The following CD200R1 variants were observed in gnomAD, a reference collection of about 807,000 sequenced individuals.
CD200R1 encodes CD200 receptor 1.
CD200R1 carries 30 observed loss-of-function variants against 38.1 expected under a neutral mutation model. The ratio of observed to expected loss-of-function variants is 0.79; its 90% CI spans 0.59 to 1.07. The LOEUF (loss-of-function observed/expected upper bound fraction) is 1.07. CD200R1 is among the 50% of genes least tolerant of loss of function. CD200R1 has a pLI of 0.00. For synonymous variants in CD200R1, 128 were observed against 152.1 expected, an observed-to-expected ratio of 0.84 and a Z score of 1.16; for missense variants, 372 against 415.4, an observed-to-expected ratio of 0.90 and a Z score of 0.91.
At chr3:112,950,314 T>C (rs1416153997) in intron 1 of CD200R1, among the ~76,000 whole-genome samples, 1 of 151,606 alleles carries the variant, frequency 6.6e-6, no homozygotes, top group African/African-American at 2.4e-5. Flanking sequence ...ATGCAGAGAA[T>C]TGCTTGAACC....
intron 1 of CD200R1, among the ~76,000 whole-genome samples, chr3:112,959,016 C>T (rs1210077393): frequency 6.6e-6 from 1 of 152,022 alleles, no homozygotes; most frequent in Non-Finnish European, 1.5e-5. Flanking sequence ...TCAGAAACAG[C>T]ACATGATTTT....
At chr3:112,960,687 C>T (rs1187714601) in intron 1 of CD200R1, among the ~76,000 whole-genome samples, 1 of 151,882 alleles carries the variant, frequency 6.6e-6, no homozygotes, top group Non-Finnish European at 1.5e-5. Flanking sequence ...AACTATACCT[C>T]AAAGGGAATA....
intron 1 of CD200R1, among the ~76,000 whole-genome samples, chr3:112,956,934 A>G (rs773992578): frequency 1.3e-5 from 2 of 152,154 alleles, no homozygotes; most frequent in Non-Finnish European, 2.9e-5. Flanking sequence ...TTTGCCTCAC[A>G]TGGGTTATAG....
chr3:112,926,673 C>T (rs951079881), intron 5 of CD200R1, among the ~76,000 whole-genome samples: 4 of 152,114 alleles, frequency 2.6e-5, no homozygotes, highest in African/African-American at 7.2e-5. Context: ...AAAAAACCTA[C>T]ACATATGACT....
chr3:112,931,778 G>A (rs1291302803), intron 2 of CD200R1, among the ~76,000 whole-genome samples: 1 of 152,004 alleles, frequency 6.6e-6, no homozygotes, highest in Non-Finnish European at 1.5e-5. Context: ...CCAAGCAATA[G>A]ACAGCTAAGA....
chr3:112,938,812 C>G (rs1032016698), intron 2 of CD200R1, among the ~76,000 whole-genome samples: 1 of 151,946 alleles, frequency 6.6e-6, no homozygotes, highest in Non-Finnish European at 1.5e-5. Context: ...GATACAAAAA[C>G]CAGATAAGAC....
At chr3:112,955,289 A>G (rs375941604) in intron 1 of CD200R1, among the ~76,000 whole-genome samples, 2 of 152,160 alleles carry the variant, frequency 1.3e-5, no homozygotes, top group East Asian at 1.9e-4. Flanking sequence ...TGTCTCACTG[A>G]ACTTTTCGCC....
chr3:112,964,684 C>T lies in CD200R1; in HGVS notation c.67+10107G>A, dbSNP rs571066784. On this transcript the variant is annotated intron_variant, in intron 1 of 7. Transcript: ENST00000308611. ...GAGACTTGCCTTGTCTCTGATGTGA[C>T]TTTAAACTGTGGACTTTTGAGTTAA... 2.0e-5 allele frequency among the ~76,000 whole-genome samples: 3 copies of T among 152,266 alleles called. No individual in the cohort carries two copies. In the East Asian group the frequency reaches 5.8e-4, roughly 29 times the overall value.
intron 1 of CD200R1, among the ~76,000 whole-genome samples, chr3:112,959,848 T>C (rs1932974414): frequency 6.6e-6 from 1 of 152,100 alleles, no homozygotes; most frequent in Admixed American, 6.5e-5. Flanking sequence ...TTCTAATGGC[T>C]TGAAAATATG....
intron 1 of CD200R1, among the ~76,000 whole-genome samples, chr3:112,948,440 G>T (rs1477959300): frequency 3.3e-5 from 5 of 152,170 alleles, no homozygotes; most frequent in Admixed American, 2.0e-4. Flanking sequence ...AGGAGGAAGG[G>T]AGCACGATAG....
At chr3:112,953,916 C>T (rs536907165) in intron 1 of CD200R1, among the ~76,000 whole-genome samples, 7 of 151,542 alleles carry the variant, frequency 4.6e-5, no homozygotes, top group Admixed American at 4.6e-4. Context: ...GTTTTTTTCT[C>T]ATGATTTTTC....
intron 1 of CD200R1, among the ~76,000 whole-genome samples, chr3:112,951,399 T>C (rs1225515781): frequency 6.6e-6 from 1 of 151,988 alleles, no homozygotes; most frequent in Non-Finnish European, 1.5e-5. Context: ...CTGACAAATT[T>C]AAGCAAACAT....
intron 1 of CD200R1, among the ~76,000 whole-genome samples, chr3:112,964,449 C>A (rs1406434029): frequency 6.6e-6 from 1 of 152,194 alleles, no homozygotes; most frequent in African/African-American, 2.4e-5. Flanking sequence ...ATCAGCATGA[C>A]CTGGATGTGA....
intron 2 of CD200R1, among the ~76,000 whole-genome samples, chr3:112,943,162 CAA>C: frequency 1.3e-5 from 2 of 151,798 alleles, no homozygotes; most frequent in East Asian, 3.9e-4. Context: ...CTTTTTCTAA[CAA>C]GAGCAGCATA....
intron 5 of CD200R1, among the ~76,000 whole-genome samples, chr3:112,928,010 A>G (rs1238791008): frequency 2.0e-5 from 3 of 152,184 alleles, no homozygotes; most frequent in Non-Finnish European, 4.4e-5. Context: ...AAATTGCATT[A>G]CCTCAACTAA....
At chr3:112,937,727 C>G (rs1204447811) in intron 2 of CD200R1, among the ~76,000 whole-genome samples, 3 of 151,954 alleles carry the variant, frequency 2.0e-5, no homozygotes, top group African/African-American at 7.3e-5. Flanking sequence ...ATTCTGTGAA[C>G]AATGTCAATT....
rs1933406762 is a variant in CD200R1, at chr3:112,974,951, C to G, written c.-94G>C. On this transcript the variant is annotated 5_prime_UTR_variant, in exon 1 of 8. Transcript: ENST00000308611. Reference sequence around the variant, plus strand: ...GCATGGTGAGACCCTCTCTGGTCAACTTCTCAGTACAGGATCCTCTTACCC... The same window carrying G: ...GCATGGTGAGACCCTCTCTGGTCAAGTTCTCAGTACAGGATCCTCTTACCC... 1.4e-5 allele frequency: 13 copies of G among 940,592 alleles called. No homozygotes were observed. In the East Asian group the frequency reaches 3.3e-4, roughly 24 times the overall value. 58.3% of individuals were successfully genotyped at this position (940,592 alleles called of 1,614,324 possible).
chr3:112,959,531 T>C (rs1265120273), intron 1 of CD200R1, among the ~76,000 whole-genome samples: 1 of 152,144 alleles, frequency 6.6e-6, no homozygotes, highest in African/African-American at 2.4e-5. Context: ...TAATTGCTTA[T>C]TGTAAACTTT....
In CD200R1 at chr3:112,965,528, C is replaced by G. The variant is rs529684163; in HGVS notation, c.67+9263G>C. On this transcript the variant is annotated intron_variant, in intron 1 of 7. Transcript: ENST00000308611. The stretch of plus-strand genomic sequence containing the variant: ...CTGTAATCCCAGCACTCTGGGATGC[C>G]GAGGCAGGTGGATCACGAGGTCAAC... Among the ~76,000 whole-genome samples the G allele has an allele frequency of 1.1e-4, 17 of 152,168 alleles. 1 individual carries two copies. The South Asian group carries it at 3.3e-3, about 30-fold the overall frequency.
Sources: allele counts gnomAD v4.1 joint callset (sites outside exome capture counted in the v4.1 genomes callset), GRCh38; gene constraint gnomAD v4.1.1; transcripts MANE v1.5; gene names NCBI Gene and HGNC (gene_info 2026-07-23, HGNC 2026-07-21).